The following FADS2 variants were observed in gnomAD, a reference collection of about 807,000 sequenced individuals.
FADS2 encodes the protein fatty acid desaturase 2, also known as acyl-CoA 6-desaturase.
A neutral mutation model predicts 61.2 loss-of-function variants in FADS2; 18 were observed. The ratio of observed to expected loss-of-function variants is 0.29; its 90% CI spans 0.20 to 0.44. The LOEUF is 0.44. Among genes scored for constraint, FADS2 ranks in the 20% least tolerant of loss-of-function variants. The probability of loss-of-function intolerance (pLI) is 1.00; values close to 1 mark genes in which losing one functional copy is unlikely to be tolerated. For synonymous variants in FADS2, 203 were observed against 223.9 expected (o/e 0.91, Z 0.83); for missense variants, 322 against 572.7 (o/e 0.56, Z 4.47).
rs1048614873 is a variant in FADS2 at position 61,828,934 on chromosome 11, G to A, written c.207+337G>A. On this transcript the variant is annotated intron_variant, in intron 1 of 11. Coordinates refer to ENST00000278840, the MANE Select transcript of FADS2 (RefSeq NM_004265.4). The surrounding 1 kb of genome is among the most constrained non-coding windows in gnomAD (Gnocchi z 6.4). ...GAGGCAGGGACTCCCCAAGAGGGGC[G>A]CTCGGGCCAGACGGCTTTGGCGCCC... Among the ~76,000 whole-genome samples the A allele has an allele frequency of 4.6e-5, 7 of 152,330 alleles. No individual in the cohort carries two copies. Among genetic ancestry groups the A allele is most frequent in the African/African-American group, 1.4e-4 (6 of 41,580 alleles).
At chr11:61,824,431 AG>A (rs1565325161), upstream of FADS2, among the ~76,000 whole-genome samples, 1 of 3,824 alleles carries the variant, frequency 2.6e-4, no homozygotes. Context: ...AGAGAGAGAG[AG>A]AGGGAGGGAG....
chr11:61,853,261 CT>C, intron 5 of FADS2, among the ~76,000 whole-genome samples: 1 of 120,410 alleles, frequency 8.3e-6, no homozygotes, highest in Admixed American at 8.0e-5. Context: ...CTCTTTCTTT[CT>C]CTCCCTCCCT....
chr11:61,825,982 C>G (rs2067081708), upstream of FADS2: 4 of 679,210 alleles, frequency 5.9e-6, no homozygotes, highest in Admixed American at 2.0e-5. Flanking sequence ...GCCTCCCCTC[C>G]CCTCTCCTCG....
At chr11:61,852,786 C>T (rs538459059) in intron 5 of FADS2, among the ~76,000 whole-genome samples, 2 of 152,170 alleles carry the variant, frequency 1.3e-5, no homozygotes, top group Non-Finnish European at 2.9e-5. Flanking sequence ...TACGTCTCTT[C>T]GTAATTCTAG....
At chr11:61,851,665 G>T (rs1480380987) in intron 5 of FADS2, among the ~76,000 whole-genome samples, 5 of 152,240 alleles carry the variant, frequency 3.3e-5, no homozygotes, top group South Asian at 2.1e-4. Context: ...GGGGCGGCCA[G>T]GTCCCAGGGC....
intron 5 of FADS2, among the ~76,000 whole-genome samples, chr11:61,849,423 A>G (rs1490840541): frequency 6.6e-6 from 1 of 152,162 alleles, no homozygotes; most frequent in Non-Finnish European, 1.5e-5. Context: ...CTAAAAAAAT[A>G]CATATTTTTT....
intron 8 of FADS2, 23 bp from the exon 9 acceptor site, chr11:61,863,259 C>G (rs746703791): frequency 6.3e-7 from 1 of 1,596,620 alleles, no homozygotes; most frequent in South Asian, 1.1e-5. Context: ...GAGGCCCCTG[C>G]GCTGAGCTGT....
At chr11:61,834,590 G>A (rs76819868) in intron 1 of FADS2, among the ~76,000 whole-genome samples, 2 of 152,176 alleles carry the variant, frequency 1.3e-5, no homozygotes, top group East Asian at 1.9e-4. Flanking sequence ...TTGGAACCTC[G>A]ACTGCAGGGT....
upstream of FADS2, chr11:61,826,214 C>T (rs2067084147): frequency 1.4e-6 from 1 of 702,348 alleles, no homozygotes; most frequent in African/African-American, 1.7e-5. Flanking sequence ...CCGCCGGCCT[C>T]ATTGGAGCCA....
chr11:61,828,951 T>A lies in FADS2; in HGVS notation c.207+354T>A, dbSNP rs574662402. Among the ~76,000 whole-genome samples, 1 of 152,296 alleles carries A rather than the reference T, an allele frequency of 6.6e-6. No homozygotes were observed. The highest frequency in any genetic ancestry group is 1.9e-4 in the East Asian group (1 of 5,164). On this transcript the variant is annotated intron_variant, in intron 1 of 11. Coordinates refer to ENST00000278840, the MANE Select transcript of FADS2 (RefSeq NM_004265.4). This position sits in a 1 kb window ranked among gnomAD's most constrained non-coding sequence, Gnocchi z 6.4. ...AGAGGGGCGCTCGGGCCAGACGGCT[T>A]TGGCGCCCCCAGCGGGGAAGATGGC...
intron 4 of FADS2, among the ~76,000 whole-genome samples, chr11:61,842,090 C>T (rs1159258157): frequency 1.3e-5 from 2 of 152,226 alleles, no homozygotes; most frequent in East Asian, 1.9e-4. Context: ...AAAGCTGGGT[C>T]CTAAAGAATC....
chr11:61,828,213 TC>T (rs2067098890), upstream of FADS2: 15 of 1,429,798 alleles, frequency 1.0e-5, no homozygotes, highest in South Asian at 2.1e-4. The surrounding 1 kb of genome is among the most constrained non-coding windows in gnomAD (Gnocchi z 6.4). Context: ...GCAGGGACAC[TC>T]CCGAGCGCAG....
chr11:61,851,854 C>T (rs2067309820), intron 5 of FADS2, among the ~76,000 whole-genome samples: 1 of 152,232 alleles, frequency 6.6e-6, no homozygotes, highest in South Asian at 2.1e-4. Context: ...TGATGCTGTC[C>T]AGGAGGATTC....
intron 1 of FADS2, chr11:61,821,399 T>C: frequency 1.4e-6 from 1 of 702,208 alleles, no homozygotes; most frequent in Non-Finnish European, 2.6e-6. Context: ...AAAAAAGACC[T>C]TAATGCCGAT....
At chr11:61,858,386 C>T (rs2067383457) in intron 7 of FADS2, among the ~76,000 whole-genome samples, 1 of 151,674 alleles carries the variant, frequency 6.6e-6, no homozygotes, top group African/African-American at 2.4e-5. Flanking sequence ...TCCATGTTGG[C>T]GAGGCTGGTC....
Position 61,835,137 on chromosome 11 carries a change from C to T in FADS2, c.208-2641C>T, listed in dbSNP as rs531560882. ...CTGAAAATACTCTTGACCTGATCCT[C>T]TGCTACCATCCCTTTTCGGCTCGGC... On this transcript the variant is annotated intron_variant, in intron 1 of 11. Coordinates refer to ENST00000278840, the MANE Select transcript of FADS2 (RefSeq NM_004265.4). Among the ~76,000 whole-genome samples the T allele has an allele frequency of 2.6e-5, 4 of 152,270 alleles. No individual in the cohort carries two copies. In the East Asian group the frequency reaches 7.7e-4, roughly 29 times the overall value.
At chr11:61,862,846 C>A in intron 7 of FADS2, 126 bp from the exon 8 acceptor site, 1 of 742,708 alleles carries the variant, frequency 1.3e-6, no homozygotes, top group Non-Finnish European at 2.4e-6. Context: ...TTGCCCATTG[C>A]ATTTCAGTGG....
chr11:61,846,408 C>CT lies in FADS2; in HGVS notation c.619-1736dup, dbSNP rs112121999. Among the ~76,000 whole-genome samples, 711 of 137,890 alleles carry CT rather than the reference C, an allele frequency of 5.2e-3. 4 individuals carry two copies. Among genetic ancestry groups the CT allele is most frequent in the African/African-American group, 0.014 (505 of 35,772 alleles). The allele number at this position is 137,890 out of a possible 152,430, so 90.5% of individuals were successfully genotyped here. A position where few individuals can be genotyped will look rare whatever the true frequency, so the allele number is the denominator to read the frequency against. ...AAGCCTCTGAGCTTTCACTCTCTGACTTTTTTTTTTTTTTTCTCTCTCTCT... is the reference window on the plus strand; with the variant it reads ...AAGCCTCTGAGCTTTCACTCTCTGACTTTTTTTTTTTTTTTTCTCTCTCTCT... On this transcript the variant is annotated intron_variant, in intron 4 of 11. Coordinates refer to ENST00000278840, the MANE Select transcript of FADS2 (RefSeq NM_004265.4).
intron 5 of FADS2, among the ~76,000 whole-genome samples, chr11:61,853,156 A>AAACAAC (rs143352979): frequency 4.7e-5 from 7 of 149,436 alleles, no homozygotes; most frequent in African/African-American, 5.0e-5. Flanking sequence ...CTCCGTCTCA[A>AAACAAC]AACAACAACA....
Sources: allele counts gnomAD v4.1 joint callset (sites outside exome capture counted in the v4.1 genomes callset), GRCh38; gene constraint gnomAD v4.1.1; non-coding constraint Gnocchi (gnomAD v3.1); transcripts MANE v1.5; gene names NCBI Gene and HGNC (gene_info 2026-07-23, HGNC 2026-07-21).